The following SPATA13 variants were observed in gnomAD, a reference collection of about 807,000 sequenced individuals.
SPATA13 encodes the protein spermatogenesis associated 13, also known as spermatogenesis-associated protein 13.
A neutral mutation model predicts 104.0 loss-of-function variants in SPATA13; 50 were observed. The ratio of observed to expected loss-of-function variants is 0.48; its 90% CI spans 0.38 to 0.61. The LOEUF (loss-of-function observed/expected upper bound fraction) is 0.61, where lower values mean the gene tolerates loss of function less well. Among genes scored for constraint, SPATA13 ranks in the 20% least tolerant of loss-of-function variants. SPATA13 has a pLI of 0.00. For missense variants in SPATA13, 1,524 were observed against 1,690.6 expected (o/e 0.90, Z 1.73); for synonymous variants, 606 against 667.5 (o/e 0.91, Z 1.42).
chr13:24,054,997 T>C (rs1878489611), intron 3 of SPATA13, among the ~76,000 whole-genome samples: 1 of 152,222 alleles, frequency 6.6e-6, no homozygotes, highest in Admixed American at 6.5e-5. Flanking sequence ...TAATTCAATT[T>C]TTATAAACAA....
At chr13:24,047,006 G>A (rs9318271) in intron 3 of SPATA13, among the ~76,000 whole-genome samples, 72,417 of 151,760 alleles carry the variant, frequency 0.48, 18,023 homozygotes, top group African/African-American at 0.61. Context: ...CTAGGTAGGG[G>A]TTTCATGGCT....
At chr13:24,025,255 T>A (rs1877160297) in intron 3 of SPATA13, among the ~76,000 whole-genome samples, 1 of 152,068 alleles carries the variant, frequency 6.6e-6, no homozygotes, top group Non-Finnish European at 1.5e-5. Context: ...TCTAAATGCT[T>A]TTTTAAGTTA....
intron 3 of SPATA13, among the ~76,000 whole-genome samples, chr13:24,025,813 CT>C (rs61153723): frequency 4.0e-4 from 58 of 146,602 alleles, no homozygotes; most frequent in Middle Eastern, 3.5e-3. Flanking sequence ...TTCTTTCTTT[CT>C]TTTTTTTTTT....
At chr13:24,103,312 G>T (rs986964062) in intron 3 of SPATA13, among the ~76,000 whole-genome samples, 1 of 151,850 alleles carries the variant, frequency 6.6e-6, no homozygotes, top group African/African-American at 2.4e-5. Context: ...AAATAGTGTT[G>T]CTGTTTGTCC....
In SPATA13 at chr13:24,303,098, T is replaced by A. The variant is rs1368474798; in HGVS notation, c.*325T>A. 5.0e-6 allele frequency: 2 copies of A among 402,566 alleles called. No individual in the cohort carries two copies. The highest frequency in any genetic ancestry group is 5.6e-5 in the East Asian group (1 of 17,764). 24.9% of individuals were successfully genotyped at this position (402,566 alleles called of 1,614,324 possible). A position where few individuals can be genotyped will look rare whatever the true frequency, so the allele number is the denominator to read the frequency against. ...CAGCTGAAGCCACCCCTGCTGATGA[T>A]GAGCAAGTGCCTGCTGCAGGTCCAA... On this transcript the variant is annotated 3_prime_UTR_variant, in exon 13 of 13. Transcript: ENST00000382108.
intron 9 of SPATA13, among the ~76,000 whole-genome samples, chr13:24,292,474 A>G (rs556979094): frequency 6.6e-6 from 1 of 152,226 alleles, no homozygotes; most frequent in African/African-American, 2.4e-5. Context: ...AACAGGGTCC[A>G]TGCCCCTGAC....
intron 3 of SPATA13, among the ~76,000 whole-genome samples, chr13:24,027,324 G>A (rs1360479198): frequency 2.0e-5 from 3 of 151,622 alleles, no homozygotes; most frequent in Admixed American, 6.6e-5. Flanking sequence ...TAGTAGAGAC[G>A]GCGTTTCACC....
At chr13:24,044,044 G>T (rs1451096196) in intron 3 of SPATA13, among the ~76,000 whole-genome samples, 1 of 152,050 alleles carries the variant, frequency 6.6e-6, no homozygotes, top group Admixed American at 6.6e-5. Context: ...AGGCGGTCAG[G>T]GAAAGTACTA....
At chr13:24,289,666 C>G (rs894909139) in intron 8 of SPATA13, among the ~76,000 whole-genome samples, 4 of 152,176 alleles carry the variant, frequency 2.6e-5, no homozygotes, top group Non-Finnish European at 5.9e-5. Flanking sequence ...TCTGTGAAGG[C>G]AGACCCGGGC....
intron 3 of SPATA13, among the ~76,000 whole-genome samples, chr13:24,040,517 G>A (rs1006431469): frequency 2.0e-5 from 3 of 152,150 alleles, no homozygotes; most frequent in African/African-American, 7.2e-5. Context: ...AGATGGGGTT[G>A]GAGAGGAGGC....
chr13:24,066,421 G>A (rs1341536246), intron 3 of SPATA13, among the ~76,000 whole-genome samples: 2 of 152,178 alleles, frequency 1.3e-5, no homozygotes, highest in African/African-American at 2.4e-5. Context: ...ACGGCCCGGA[G>A]GTGAGACTCC....
chr13:24,149,126 C>T (rs1425878063), intron 3 of SPATA13, among the ~76,000 whole-genome samples: 4 of 152,312 alleles, frequency 2.6e-5, no homozygotes, highest in East Asian at 1.9e-4. Flanking sequence ...ATGAAAGAGG[C>T]GTCCTGTCTG....
chr13:24,223,864 T>G lies in SPATA13; in HGVS notation c.935T>G (p.Ile312Arg), dbSNP rs995281327. The stretch of plus-strand genomic sequence containing the variant: ...AGGACCAAACGCTGGAGGAGCCCGA[T>G]AAGGGCCAAGGACTTTGACAGAGTC... Reference protein sequence around the residue: ...SGRTKRWRSPIRAKDFDRVFK... With the variant: ...SGRTKRWRSPRRAKDFDRVFK... The change falls in exon 2 of 13, where the codon ATA becomes AGA. Residue 312 changes from isoleucine (I) to arginine (R), a missense_variant. Transcript: ENST00000382108. The G allele has an allele frequency of 3.9e-6, 6 of 1,551,562 alleles. No individual in the cohort carries two copies. The African/African-American group carries it at 8.2e-5, about 21-fold the overall frequency.
chr13:24,299,962 C>T (rs1335563796), intron 11 of SPATA13, among the ~76,000 whole-genome samples: 1 of 152,228 alleles, frequency 6.6e-6, no homozygotes, highest in Admixed American at 6.5e-5. Flanking sequence ...CTACCTGCTA[C>T]TCACGTGGTA....
At chr13:24,038,205 G>A (rs1024667381) in intron 3 of SPATA13, among the ~76,000 whole-genome samples, 7 of 152,176 alleles carry the variant, frequency 4.6e-5, no homozygotes, top group East Asian at 1.9e-4. Flanking sequence ...GAGCCACCGC[G>A]CCCGGCCAAC....
At chr13:23,999,150 C>T (rs1875830821) in intron 2 of SPATA13, among the ~76,000 whole-genome samples, 1 of 152,034 alleles carries the variant, frequency 6.6e-6, no homozygotes, top group Non-Finnish European at 1.5e-5. Flanking sequence ...TGGTCTCGAA[C>T]TCCTGACTTC....
intron 1 of SPATA13, among the ~76,000 whole-genome samples, chr13:24,172,219 A>G (rs1356791260): frequency 6.6e-6 from 1 of 152,076 alleles, no homozygotes; most frequent in African/African-American, 2.4e-5. Flanking sequence ...AATGTTTGGG[A>G]TTGGCTTTTT....
At chr13:24,241,656 G>C (rs932032594) in intron 2 of SPATA13, among the ~76,000 whole-genome samples, 1 of 152,328 alleles carries the variant, frequency 6.6e-6, no homozygotes, top group African/African-American at 2.4e-5. Context: ...GGTTGGCCCC[G>C]TTTATGGGGC....
intron 3 of SPATA13, among the ~76,000 whole-genome samples, chr13:24,120,815 C>A (rs1405783592): frequency 2.0e-5 from 3 of 152,122 alleles, no homozygotes; most frequent in African/African-American, 7.2e-5. Flanking sequence ...CAGGTACTTA[C>A]AGTTTAAAAG....
Sources: allele counts gnomAD v4.1 joint callset (sites outside exome capture counted in the v4.1 genomes callset), GRCh38; gene constraint gnomAD v4.1.1; transcripts MANE v1.5; gene names NCBI Gene and HGNC (gene_info 2026-07-23, HGNC 2026-07-21).